SGCZ: variants seen among roughly 807,000 people sequenced by gnomAD.
The protein encoded by SGCZ is sarcoglycan zeta, also known as zeta-sarcoglycan.
Under a neutral mutation model 41.3 loss-of-function variants are expected in SGCZ, and 40 were observed. That is an observed-to-expected ratio of 0.97 (90% confidence interval 0.75 to 1.26). SGCZ has a LOEUF of 1.26. SGCZ is among the 50% of genes most tolerant of loss of function. The pLI, the probability that SGCZ is intolerant of heterozygous loss-of-function variation, is 0.00. For synonymous variants in SGCZ, 206 were observed against 137.5 expected (o/e 1.50, Z -3.49); for missense variants, 552 against 369.8 (o/e 1.49, Z -4.04).
chr8:14,152,626 T>C (rs73213563), intron 5 of SGCZ, among the ~76,000 whole-genome samples: 17,268 of 152,164 alleles, frequency 0.11, 1,086 homozygotes, highest in Middle Eastern at 0.21. Flanking sequence ...AAAAAAAGTT[T>C]ATAAAACAAA....
chr8:14,161,373 G>A (rs1187055766), intron 5 of SGCZ: 2 of 152,160 alleles, frequency 1.3e-5, no homozygotes, highest in African/African-American at 2.4e-5. Context: ...GTCCTGGCAA[G>A]AATTAGTTTG....
intron 4 of SGCZ, among the ~76,000 whole-genome samples, chr8:14,207,669 G>C (rs1453452666): frequency 6.6e-6 from 1 of 151,918 alleles, no homozygotes; most frequent in Non-Finnish European, 1.5e-5. Context: ...GAAAACTAGA[G>C]GACAAAGTAT....
chr8:14,958,955 C>A (rs980936508), intron 1 of SGCZ, among the ~76,000 whole-genome samples: 1 of 152,034 alleles, frequency 6.6e-6, no homozygotes, highest in African/African-American at 2.4e-5. Flanking sequence ...TTTAATCTTT[C>A]TGTATGTTTG....
chr8:14,287,988 T>G (rs1227719464), intron 3 of SGCZ, among the ~76,000 whole-genome samples: 1 of 152,260 alleles, frequency 6.6e-6, no homozygotes, highest in East Asian at 1.9e-4. Context: ...TATTTATTTT[T>G]ATTTTTTTAC....
At chr8:15,025,899 G>C (rs779374694) in intron 1 of SGCZ, among the ~76,000 whole-genome samples, 1 of 151,976 alleles carries the variant, frequency 6.6e-6, no homozygotes, top group Non-Finnish European at 1.5e-5. Context: ...ACTTTCATCT[G>C]CTAGCCTTAC....
chr8:14,156,487 A>G (rs984170629), intron 5 of SGCZ, among the ~76,000 whole-genome samples: 9 of 152,034 alleles, frequency 5.9e-5, no homozygotes, highest in Admixed American at 1.3e-4. Flanking sequence ...AAAAACAAAA[A>G]CAAAAAAGTT....
chr8:14,976,659 G>C (rs1227822716), intron 1 of SGCZ, among the ~76,000 whole-genome samples: 5 of 152,086 alleles, frequency 3.3e-5, no homozygotes, highest in Admixed American at 3.3e-4. Context: ...GAATATTTGT[G>C]GCATTCAATA....
At chr8:14,095,574 T>C (rs1201027718) in intron 7 of SGCZ, among the ~76,000 whole-genome samples, 1 of 152,202 alleles carries the variant, frequency 6.6e-6, no homozygotes, top group Non-Finnish European at 1.5e-5. Context: ...TAGGATTGTC[T>C]TGGCTATGCA....
intron 1 of SGCZ, among the ~76,000 whole-genome samples, chr8:14,828,156 T>C (rs929682285): frequency 1.3e-5 from 2 of 152,122 alleles, no homozygotes; most frequent in Non-Finnish European, 2.9e-5. Context: ...GGAAGAATGG[T>C]GAAAGCACGG....
At chr8:14,862,988 G>A (rs924284289) in intron 1 of SGCZ, among the ~76,000 whole-genome samples, 3 of 152,070 alleles carry the variant, frequency 2.0e-5, no homozygotes, top group Non-Finnish European at 4.4e-5. Context: ...CCAAGTTGAA[G>A]GGAAATAAGA....
chr8:14,935,691 T>C (rs1800060972), intron 1 of SGCZ, among the ~76,000 whole-genome samples: 1 of 151,744 alleles, frequency 6.6e-6, no homozygotes, highest in Admixed American at 6.6e-5. Context: ...TTATAATTAC[T>C]CCAAATATCA....
chr8:14,530,057 C>T (rs185448331), intron 2 of SGCZ, among the ~76,000 whole-genome samples: 1 of 152,050 alleles, frequency 6.6e-6, no homozygotes, highest in East Asian at 1.9e-4. Context: ...CTTAATCTGC[C>T]AAATCCTTAA....
chr8:14,391,473 T>A (rs1706856376), intron 2 of SGCZ, among the ~76,000 whole-genome samples: 1 of 152,066 alleles, frequency 6.6e-6, no homozygotes, highest in Non-Finnish European at 1.5e-5. Context: ...GTAACCCAGA[T>A]TTTGTATTCC....
intron 1 of SGCZ, among the ~76,000 whole-genome samples, chr8:14,724,610 TAATC>T (rs1483556332): frequency 2.0e-5 from 3 of 151,784 alleles, no homozygotes; most frequent in African/African-American, 7.2e-5. Flanking sequence ...TTAATATAAA[TAATC>T]AGAGTGAATA....
At chr8:14,358,916 G>C (rs1359528183) in intron 2 of SGCZ, among the ~76,000 whole-genome samples, 1 of 152,056 alleles carries the variant, frequency 6.6e-6, no homozygotes, top group Non-Finnish European at 1.5e-5. Context: ...GCCAGGTATA[G>C]TATTCTTTAA....
intron 3 of SGCZ, among the ~76,000 whole-genome samples, chr8:14,246,938 CT>C (rs1799118091): frequency 7.1e-6 from 1 of 141,746 alleles, no homozygotes; most frequent in South Asian, 2.2e-4. Context: ...AAAAGTAAAA[CT>C]TTTATATTTG....
intron 1 of SGCZ, among the ~76,000 whole-genome samples, chr8:15,136,013 C>T (rs1486179131): frequency 1.3e-5 from 2 of 152,062 alleles, no homozygotes; most frequent in African/African-American, 2.4e-5. Context: ...CGGGTCATTG[C>T]CATGGAAAGG....
intron 3 of SGCZ, among the ~76,000 whole-genome samples, chr8:14,297,768 G>A (rs1227151466): frequency 2.0e-5 from 3 of 151,936 alleles, no homozygotes; most frequent in Non-Finnish European, 1.5e-5. Flanking sequence ...AAGCTCAGTT[G>A]GTAATTTAAA....
chr8:14,725,857 G>A (rs1810030381), intron 1 of SGCZ, among the ~76,000 whole-genome samples: 1 of 152,142 alleles, frequency 6.6e-6, no homozygotes, highest in African/African-American at 2.4e-5. Flanking sequence ...ATTACTTAAA[G>A]ATGGAAAGGC....
Sources: allele counts gnomAD v4.1 joint callset (sites outside exome capture counted in the v4.1 genomes callset), GRCh38; gene constraint gnomAD v4.1.1; transcripts MANE v1.5; gene names NCBI Gene and HGNC (gene_info 2026-07-23, HGNC 2026-07-21).